The following SLC35F3 variants were observed in gnomAD, a reference collection of about 807,000 sequenced individuals.
SLC35F3 encodes the protein solute carrier family 35 member F3.
In SLC35F3, 25 loss-of-function variants were observed where a neutral mutation model predicts 49.9. The ratio of observed to expected loss-of-function variants is 0.50; its 90% CI spans 0.37 to 0.70. SLC35F3 has a LOEUF of 0.70. Ranked by LOEUF, SLC35F3 falls within the 30% of genes least tolerant of loss-of-function variation. SLC35F3 has a pLI of 0.00. For synonymous variants in SLC35F3, 275 were observed against 265.4 expected, an observed-to-expected ratio of 1.04 and a Z score of -0.35; for missense variants, 525 against 639.8, an observed-to-expected ratio of 0.82 and a Z score of 1.94.
chr1:233,924,197 T>A (rs1206247960), intron 2 of SLC35F3, among the ~76,000 whole-genome samples: 1 of 152,210 alleles, frequency 6.6e-6, no homozygotes, highest in Non-Finnish European at 1.5e-5. Context: ...TTCTGTTGAT[T>A]GGAATAGTTT....
At chr1:234,121,219 C>T (rs936612916) in intron 2 of SLC35F3, among the ~76,000 whole-genome samples, 1 of 147,024 alleles carries the variant, frequency 6.8e-6, no homozygotes, top group African/African-American at 2.5e-5. Context: ...TCACTGCAAG[C>T]TCCACCTCCC....
In SLC35F3 at chr1:234,320,442, T is replaced by C. The variant is rs1236124345; in HGVS notation, c.1237+255T>C. On this transcript the variant is annotated intron_variant, in intron 7 of 7. Transcript: ENST00000366618. The surrounding 1 kb of genome is among the most constrained non-coding windows in gnomAD (Gnocchi z 4.8). ...GTGAAATGTTGCTATTAGTTATATA[T>C]GCAATATTTTCTCCATAATGGGCTG... is the stretch of plus-strand genomic sequence containing the variant. Among the ~76,000 whole-genome samples, 3 of 152,194 alleles carry C rather than the reference T, an allele frequency of 2.0e-5. No individual in the cohort carries two copies. Among genetic ancestry groups the C allele is most frequent in the East Asian group, 1.9e-4 (1 of 5,200 alleles).
At chr1:233,981,611 G>T (rs569761108) in intron 2 of SLC35F3, among the ~76,000 whole-genome samples, 17 of 151,810 alleles carry the variant, frequency 1.1e-4, no homozygotes, top group Non-Finnish European at 2.1e-4. Flanking sequence ...GAATAAAGTT[G>T]CCATGAACAT....
chr1:234,142,332 G>C (rs749669907), intron 2 of SLC35F3, among the ~76,000 whole-genome samples: 2 of 152,178 alleles, frequency 1.3e-5, no homozygotes, highest in Non-Finnish European at 2.9e-5. Flanking sequence ...TGCACTAAAG[G>C]TTGGCTTCCC....
At chr1:233,916,055 C>T (rs188976174) in intron 2 of SLC35F3, among the ~76,000 whole-genome samples, 2 of 152,156 alleles carry the variant, frequency 1.3e-5, no homozygotes, top group South Asian at 4.1e-4. Flanking sequence ...GGCAAAAGTG[C>T]ATTACACTGG....
chr1:234,164,422 T>G (rs928961439), intron 2 of SLC35F3, among the ~76,000 whole-genome samples: 9 of 149,772 alleles, frequency 6.0e-5, no homozygotes, highest in Admixed American at 1.3e-4. Context: ...TCTTTCTTTT[T>G]CCTCTCCCTC....
Position 233,918,370 on chromosome 1 carries a change from C to T in SLC35F3, c.283+12612C>T, listed in dbSNP as rs540417021. On this transcript the variant is annotated intron_variant, in intron 2 of 7. Transcript: ENST00000366618. The stretch of plus-strand genomic sequence containing the variant: ...TTATGGTGGCTTGGCTCTCTTGTCC[C>T]GAGACCTCAGCAGTGCACTGGGACT... Among the ~76,000 whole-genome samples the T allele has an allele frequency of 3.9e-5, 6 of 152,250 alleles. No individual in the cohort carries two copies. The East Asian group carries it at 9.7e-4, about 25-fold the overall frequency.
chr1:234,309,240 T>C lies in SLC35F3; in HGVS notation c.748T>C (p.Ser250Pro). Residue 250 changes from serine (S) to proline (P), a missense_variant, in exon 4 of 8, where the codon TCC becomes CCC. Ser to Pro is a moderately conservative substitution (Grantham distance 74). Transcript: ENST00000366618. ...AIKKINTTDVSVLFCCNKAFV... is the reference protein window; with the variant it reads ...AIKKINTTDVPVLFCCNKAFV... ...AAAGAAAATAAACACTACGGATGTC[T>C]CCGTGTTGTTCTGCTGCAACAAAGC... The C allele has an allele frequency of 1.2e-6, 2 of 1,614,242 alleles. No individual in the cohort carries two copies. Among genetic ancestry groups the C allele is most frequent in the Non-Finnish European group, 1.7e-6 (2 of 1,180,034 alleles).
intron 2 of SLC35F3, among the ~76,000 whole-genome samples, chr1:234,218,266 C>G (rs1310270770): frequency 1.3e-5 from 2 of 152,128 alleles, no homozygotes; most frequent in Non-Finnish European, 2.9e-5. Flanking sequence ...AGGGATTAAT[C>G]ATTGAGAACA....
chr1:233,927,072 T>G (rs1662172149), intron 2 of SLC35F3, among the ~76,000 whole-genome samples: 1 of 152,220 alleles, frequency 6.6e-6, no homozygotes, highest in Non-Finnish European at 1.5e-5. Context: ...CCTGCACATC[T>G]TTTCTTAGCT....
At chr1:234,308,993 C>A in intron 3 of SLC35F3, 108 bp from the exon 4 acceptor site, 5 of 739,626 alleles carry the variant, frequency 6.8e-6, no homozygotes, top group South Asian at 5.6e-5. Flanking sequence ...ATTTTAAAAC[C>A]CTGCCCCTTC....
chr1:234,139,979 T>TAAAATAAAATAAAATA (rs1553308916), intron 2 of SLC35F3, among the ~76,000 whole-genome samples: 4 of 133,500 alleles, frequency 3.0e-5, no homozygotes, highest in African/African-American at 1.0e-4. Flanking sequence ...TAAAATAAAA[T>TAAAATAAAATAAAATA]AAAATAAAAT....
chr1:234,226,230 T>C (rs1042182824), intron 2 of SLC35F3, among the ~76,000 whole-genome samples: 1 of 152,200 alleles, frequency 6.6e-6, no homozygotes, highest in Non-Finnish European at 1.5e-5. Flanking sequence ...TAGATGTCAG[T>C]TGCAAGGCAT....
intron 2 of SLC35F3, among the ~76,000 whole-genome samples, chr1:234,026,095 A>T (rs1236144700): frequency 1.3e-5 from 2 of 152,164 alleles, no homozygotes; most frequent in Non-Finnish European, 1.5e-5. Context: ...TTTATCAAAG[A>T]TCAGATGGTT....
At chr1:234,311,128 A>G (rs1044917184) in intron 4 of SLC35F3, among the ~76,000 whole-genome samples, 2 of 152,200 alleles carry the variant, frequency 1.3e-5, no homozygotes, top group African/African-American at 4.8e-5. Context: ...TGCAGTTATG[A>G]GTCTCTCTAA....
At chr1:234,097,214 C>T (rs1665138359) in intron 2 of SLC35F3, among the ~76,000 whole-genome samples, 1 of 152,106 alleles carries the variant, frequency 6.6e-6, no homozygotes, top group South Asian at 2.1e-4. Flanking sequence ...TTTAAGAAAT[C>T]TCCATACTGT....
At chr1:233,979,145 G>A (rs1218343264) in intron 2 of SLC35F3, among the ~76,000 whole-genome samples, 1 of 152,028 alleles carries the variant, frequency 6.6e-6, no homozygotes, top group Non-Finnish European at 1.5e-5. Context: ...CCAGTCCACA[G>A]AACGTGGTCT....
At chr1:234,059,093 T>G (rs998856646) in intron 2 of SLC35F3, among the ~76,000 whole-genome samples, 2 of 152,190 alleles carry the variant, frequency 1.3e-5, no homozygotes, top group African/African-American at 4.8e-5. Context: ...ACTAAAAGTT[T>G]GTTAATTGTA....
At chr1:233,910,589 A>G (rs2102781805) in intron 2 of SLC35F3, among the ~76,000 whole-genome samples, 1 of 152,330 alleles carries the variant, frequency 6.6e-6, no homozygotes, top group East Asian at 1.9e-4. Flanking sequence ...TAGAACACAG[A>G]CATTCTAAGG....
Sources: gnomAD v4.1 joint callset for allele counts (sites outside exome capture counted in the v4.1 genomes callset) on GRCh38, gnomAD v4.1.1 for gene constraint, Gnocchi (gnomAD v3.1) non-coding constraint, MANE v1.5 for transcripts, NCBI Gene and HGNC (gene_info 2026-07-23, HGNC 2026-07-21) for gene names.